The following PCDH15 variants were observed in gnomAD, a reference collection of about 807,000 sequenced individuals.
PCDH15 encodes protocadherin-15.
A neutral mutation model predicts 178.5 loss-of-function variants in PCDH15; 129 were observed. The observed-to-expected ratio is 0.72, with a 90% CI of 0.63 to 0.84. The LOEUF is 0.84. Ranked by LOEUF, PCDH15 falls within the 40% of genes least tolerant of loss-of-function variation. The pLI is 0.00. For missense variants in PCDH15, 2,230 were observed against 2,099.9 expected (o/e 1.06, Z -1.21); for synonymous variants, 800 against 732.0 (o/e 1.09, Z -1.50).
intron 26 of PCDH15, among the ~76,000 whole-genome samples, chr10:53,873,322 A>G (rs539335312): frequency 6.6e-6 from 1 of 152,358 alleles, no homozygotes; most frequent in Admixed American, 6.5e-5. Flanking sequence ...TAAATTACCA[A>G]GTCCATTTAT....
At chr10:54,484,606 A>C (rs1446087936) in intron 3 of PCDH15, among the ~76,000 whole-genome samples, 1 of 151,926 alleles carries the variant, frequency 6.6e-6, no homozygotes, top group Non-Finnish European at 1.5e-5. Context: ...AAGCCACATT[A>C]ATGAATTGAG....
At chr10:54,753,332 T>C (rs1293587388) in intron 1 of PCDH15, among the ~76,000 whole-genome samples, 1 of 152,004 alleles carries the variant, frequency 6.6e-6, no homozygotes, top group Non-Finnish European at 1.5e-5. Flanking sequence ...TACAGGCGCA[T>C]ACACCATGCC....
intron 1 of PCDH15, among the ~76,000 whole-genome samples, chr10:54,741,045 A>G (rs1348005895): frequency 6.6e-6 from 1 of 151,936 alleles, no homozygotes; most frequent in South Asian, 2.1e-4. Context: ...GAAATGATAA[A>G]TGTGTAAGAT....
intron 2 of PCDH15, among the ~76,000 whole-genome samples, chr10:54,619,903 C>T (rs1354251593): frequency 6.6e-6 from 1 of 151,334 alleles, no homozygotes; most frequent in Non-Finnish European, 1.5e-5. Flanking sequence ...AATTATAGCT[C>T]ACCGGACAAA....
Position 54,550,284 on chromosome 10 carries a change from T to C in PCDH15, c.92-22407A>G, listed in dbSNP as rs142011864. 5.3e-3 allele frequency among the ~76,000 whole-genome samples: 808 copies of C among 152,304 alleles called. 8 individuals carry two copies. The highest frequency in any genetic ancestry group is 0.012 in the Admixed American group (182 of 15,290). On this transcript the variant is annotated intron_variant, in intron 2 of 37. Coordinates refer to ENST00000644397, the MANE Select transcript of PCDH15 (RefSeq NM_001384140.1). ...AAATCCTGAAATAGGAAACCAACTGTTATTCTTACAACTTCCACTATGCAA... is the reference window on the plus strand; with the variant it reads ...AAATCCTGAAATAGGAAACCAACTGCTATTCTTACAACTTCCACTATGCAA...
At chr10:54,963,334 T>C (rs1838704112) in intron 2 of PCDH15, among the ~76,000 whole-genome samples, 1 of 69,410 alleles carries the variant, frequency 1.4e-5, no homozygotes. Context: ...ACATAAAATG[T>C]GTTTTTTTTT....
At chr10:55,289,170 G>T (rs1842948041) in intron 1 of PCDH15, among the ~76,000 whole-genome samples, 1 of 151,968 alleles carries the variant, frequency 6.6e-6, no homozygotes, top group South Asian at 2.1e-4. Flanking sequence ...CTCTGTATTT[G>T]TAGGCTCTCC....
At chr10:55,052,647 C>T (rs1039242518) in intron 2 of PCDH15, among the ~76,000 whole-genome samples, 10 of 147,174 alleles carry the variant, frequency 6.8e-5, no homozygotes, top group Middle Eastern at 3.6e-3. Context: ...ACCCGGGAGG[C>T]GGAGGTTGTG....
chr10:54,234,132 CTGTGTGTGTGTGTG>C (rs35466519), intron 9 of PCDH15, among the ~76,000 whole-genome samples: 14 of 138,466 alleles, frequency 1.0e-4, no homozygotes, highest in South Asian at 2.4e-4. Context: ...ATATCCCCTT[CTGTGTGTGTGTGTG>C]TGTGTGTGTG....
intron 11 of PCDH15, among the ~76,000 whole-genome samples, chr10:54,195,422 C>T (rs2049506170): frequency 6.6e-6 from 1 of 151,988 alleles, no homozygotes; most frequent in Non-Finnish European, 1.5e-5. Flanking sequence ...ATATTGCCCT[C>T]GTCATTAAAT....
chr10:54,930,782 A>G (rs993089072), intron 2 of PCDH15, among the ~76,000 whole-genome samples: 3 of 152,204 alleles, frequency 2.0e-5, no homozygotes, highest in African/African-American at 7.2e-5. Flanking sequence ...CATTCCAAAT[A>G]ACTGTAAAGT....
At chr10:54,783,323 G>A (rs891974250) in intron 1 of PCDH15, among the ~76,000 whole-genome samples, 1 of 151,974 alleles carries the variant, frequency 6.6e-6, no homozygotes, top group African/African-American at 2.4e-5. Context: ...AAAATTCAGT[G>A]ACTGAAATGA....
At chr10:54,386,669 T>A (rs1245420870) in intron 3 of PCDH15, among the ~76,000 whole-genome samples, 1 of 152,132 alleles carries the variant, frequency 6.6e-6, no homozygotes, top group Non-Finnish European at 1.5e-5. Flanking sequence ...ATCAATAGTT[T>A]TTCAAAGAAG....
intron 1 of PCDH15, among the ~76,000 whole-genome samples, chr10:55,219,454 G>T (rs1229714975): frequency 6.6e-6 from 1 of 151,690 alleles, no homozygotes; most frequent in Non-Finnish European, 1.5e-5. Context: ...TGTACCTAAA[G>T]TTCATGATAC....
At chr10:54,908,075 C>G (rs1172850395) in intron 2 of PCDH15, among the ~76,000 whole-genome samples, 1 of 152,188 alleles carries the variant, frequency 6.6e-6, no homozygotes, top group African/African-American at 2.4e-5. Flanking sequence ...AGCTGGAAAC[C>G]TCTGTGGCCA....
intron 2 of PCDH15, among the ~76,000 whole-genome samples, chr10:54,549,220 TAC>T (rs4007220): frequency 3.4e-4 from 51 of 150,332 alleles, no homozygotes; most frequent in Non-Finnish European, 6.1e-4. Context: ...CTCTTTTCTT[TAC>T]ACACACACAC....
In PCDH15 at chr10:55,508,519, G is replaced by A. The variant is rs1164070660; in HGVS notation, c.-156+119106C>T. Among the ~76,000 whole-genome samples the A allele has an allele frequency of 4.6e-5, 7 of 151,602 alleles. No homozygotes were observed. The East Asian group carries it at 1.4e-3, about 29-fold the overall frequency. On this transcript the variant is annotated intron_variant, in intron 2 of 5. Transcript: ENST00000613346. ...GTGTGTTTAACTCACAGTTTTATGT[G>A]GGCTTCAATTAGACATAGAATGTAT... is the stretch of plus-strand genomic sequence containing the variant.
At chr10:54,772,321 AT>A (rs1362147375) in intron 1 of PCDH15, among the ~76,000 whole-genome samples, 9 of 152,280 alleles carry the variant, frequency 5.9e-5, no homozygotes, top group African/African-American at 2.2e-4. Context: ...GTTCAAACAT[AT>A]TTTTCAATAT....
intron 1 of PCDH15, among the ~76,000 whole-genome samples, chr10:54,713,910 T>C (rs1225280818): frequency 2.0e-5 from 3 of 152,144 alleles, no homozygotes; most frequent in Admixed American, 2.0e-4. Context: ...TTATTTTGCT[T>C]TCACAGAAGA....
Sources: gnomAD v4.1 joint callset for allele counts (sites outside exome capture counted in the v4.1 genomes callset) on GRCh38, gnomAD v4.1.1 for gene constraint, MANE v1.5 for transcripts, NCBI Gene and HGNC (gene_info 2026-07-23, HGNC 2026-07-21) for gene names.